Variants in FBN1 observed in about 807,000 individuals in gnomAD.
FBN1 encodes fibrillin-1.
Under a neutral mutation model 365.1 loss-of-function variants are expected in FBN1, and 29 were observed. The ratio of observed to expected loss-of-function variants is 0.08; its 90% CI spans 0.06 to 0.11. FBN1 has a LOEUF of 0.11. Among genes scored for constraint, FBN1 ranks in the 10% least tolerant of loss-of-function variants. FBN1 has a pLI of 1.00. For synonymous variants in FBN1, 1,210 were observed against 1,270.5 expected, an observed-to-expected ratio of 0.95 and a Z score of 1.01; for missense variants, 2,476 against 3,703.2, an observed-to-expected ratio of 0.67 and a Z score of 8.60.
chr15:48,430,351 T>C (rs1304355585), intron 56 of FBN1, among the ~76,000 whole-genome samples: 1 of 152,204 alleles, frequency 6.6e-6, no homozygotes, highest in Non-Finnish European at 1.5e-5. Context: ...TCCAATGTGA[T>C]GGGGAGAATT....
chr15:48,606,867 G>T (rs1428846114), intron 4 of FBN1, among the ~76,000 whole-genome samples: 1 of 152,200 alleles, frequency 6.6e-6, no homozygotes, highest in Admixed American at 6.5e-5. Context: ...ACGTGATAAG[G>T]TCATGAGGGC....
At chr15:48,507,433 C>A (rs1597576482) in intron 15 of FBN1, among the ~76,000 whole-genome samples, 1 of 152,284 alleles carries the variant, frequency 6.6e-6, no homozygotes, top group Non-Finnish European at 1.5e-5. Context: ...CTCAAAAGTA[C>A]AGAAACCACC....
At chr15:48,530,533 C>T (rs2043961363) in intron 8 of FBN1, among the ~76,000 whole-genome samples, 2 of 152,066 alleles carry the variant, frequency 1.3e-5, no homozygotes, top group South Asian at 4.2e-4. Context: ...GCCTTATTTC[C>T]AGGGCTCTTT....
At chr15:48,486,001 T>C (rs1157469616) in intron 29 of FBN1, among the ~76,000 whole-genome samples, 1 of 152,178 alleles carries the variant, frequency 6.6e-6, no homozygotes, top group Non-Finnish European at 1.5e-5. Context: ...ACATACCTAC[T>C]ATATGCTAGA....
chr15:48,505,044 C>G lies in FBN1; in HGVS notation c.1941G>C (p.Leu647=), dbSNP rs751430987. 6.2e-7 allele frequency: 1 copy of G among 1,614,188 alleles called. No homozygotes were observed. Among genetic ancestry groups the G allele is most frequent in the African/African-American group, 1.3e-5 (1 of 75,046 alleles). Reference sequence around the variant, plus strand: ...TCTTACCAACACACACACGGCCATCCAGACCCACAGCCAGTCCAGGGAAGC... The same window carrying G: ...TCTTACCAACACACACACGGCCATCGAGACCCACAGCCAGTCCAGGGAAGC... ...CECFPGLAVG[L]DGRVCVDTHM... The change falls in exon 16 of 66, where the codon CTG becomes CTC. Residue 647 remains leucine, a synonymous_variant. Coordinates refer to ENST00000316623, the MANE Select transcript of FBN1 (RefSeq NM_000138.5).
intron 3 of FBN1, among the ~76,000 whole-genome samples, chr15:48,611,821 C>T (rs924872888): frequency 6.6e-6 from 1 of 152,200 alleles, no homozygotes; most frequent in African/African-American, 2.4e-5. Context: ...CACTACTTTT[C>T]GTCATGACAG....
At position 48,432,855 on chromosome 15, in the gene FBN1, C is replaced by T. The variant is rs757918461; in HGVS notation, c.6739+11G>A. The T allele has an allele frequency of 1.2e-5, 20 of 1,613,296 alleles. No individual in the cohort carries two copies. The East Asian group carries it at 2.0e-4, about 16-fold the overall frequency. ...TTCCTGGCTTAGATGACCTTGAACA[C>T]GATGACTCACCTTTGCACATCCTAC... On this transcript the variant is annotated intron_variant, in intron 55 of 65. Coordinates refer to ENST00000316623, the MANE Select transcript of FBN1 (RefSeq NM_000138.5).
rs1328835304 is a variant in FBN1 at position 48,447,746 on chromosome 15, T to C, written c.5672-924A>G. 3.9e-5 allele frequency among the ~76,000 whole-genome samples: 6 copies of C among 152,266 alleles called. No homozygotes were observed. The East Asian group carries it at 1.2e-3, about 29-fold the overall frequency. ...AGCTAGGATTCCCTTTCTTTTCACA[T>C]TTTGGACATGAAGATAAATGATCTG... On this transcript the variant is annotated intron_variant, in intron 46 of 65. Transcript: ENST00000316623.
At chr15:48,580,224 T>C (rs1439343689) in intron 6 of FBN1, among the ~76,000 whole-genome samples, 2 of 152,134 alleles carry the variant, frequency 1.3e-5, no homozygotes. Context: ...ACTAGGACCA[T>C]TCATCCCTGA....
rs146035851 is a variant in FBN1 at position 48,469,141 on chromosome 15, C to T, written c.4460-607G>A. Among the ~76,000 whole-genome samples, 193 of 129,978 alleles carry T rather than the reference C, an allele frequency of 1.5e-3. 1 individual carries two copies. The highest frequency in any genetic ancestry group is 5.6e-3 in the African/African-American group (184 of 32,712). 85.3% of individuals were successfully genotyped at this position (129,978 alleles called of 152,430 possible). A position where few individuals can be genotyped will look rare whatever the true frequency, so the allele number is the denominator to read the frequency against. ...TATATATAAAATATAATATATATTA[C>T]ATATATATATATAACTTTGGCACTA... On this transcript the variant is annotated intron_variant, in intron 36 of 65. Coordinates refer to ENST00000316623, the MANE Select transcript of FBN1 (RefSeq NM_000138.5).
intron 6 of FBN1, among the ~76,000 whole-genome samples, chr15:48,570,661 A>G (rs2044300114): frequency 6.6e-6 from 1 of 152,202 alleles, no homozygotes; most frequent in South Asian, 2.1e-4. Context: ...GGAAAAGTCA[A>G]TTCTTGCTCA....
At position 48,541,743 on chromosome 15, in the gene FBN1, T is replaced by TTTTC. The variant is rs1555401894; in HGVS notation, c.539-3936_539-3935insGAAA. On this transcript the variant is annotated intron_variant, in intron 6 of 65. Transcript: ENST00000316623. Reference sequence around the variant, plus strand: ...TTACATACTCTTTTTTTTTTTTTTTTCAGATAGTCTCAGCATTAGACAGGG... The same window carrying TTTTC: ...TTACATACTCTTTTTTTTTTTTTTTTTTTCCAGATAGTCTCAGCATTAGACAGGG... 7.5e-3 allele frequency among the ~76,000 whole-genome samples: 1,115 copies of TTTTC among 148,332 alleles called. 16 individuals carry two copies. The highest frequency in any genetic ancestry group is 0.027 in the African/African-American group (1,056 of 39,002).
intron 64 of FBN1, among the ~76,000 whole-genome samples, chr15:48,414,439 A>G (rs953141796): frequency 1.3e-5 from 2 of 152,166 alleles, no homozygotes; most frequent in Non-Finnish European, 2.9e-5. Flanking sequence ...ATGTATATAT[A>G]TATTTAATGT....
chr15:48,463,272 G>C, intron 41 of FBN1, 32 bp from the exon 42 acceptor site: 2 of 1,608,094 alleles, frequency 1.2e-6, no homozygotes, highest in South Asian at 2.2e-5. Flanking sequence ...GGATTGGAGG[G>C]TTGGTGATGC....
chr15:48,536,054 C>A (rs964579514), intron 7 of FBN1, among the ~76,000 whole-genome samples: 2 of 152,010 alleles, frequency 1.3e-5, no homozygotes, highest in African/African-American at 2.4e-5. Context: ...CACATCTGAC[C>A]CAAGGACTGG....
At chr15:48,466,117 G>T (rs1409752510) in intron 38 of FBN1, among the ~76,000 whole-genome samples, 1 of 152,106 alleles carries the variant, frequency 6.6e-6, no homozygotes, top group Non-Finnish European at 1.5e-5. Flanking sequence ...CATGTGTGTG[G>T]ACTGTTTTAT....
At chr15:48,568,886 C>A (rs753175403) in intron 6 of FBN1, among the ~76,000 whole-genome samples, 11 of 151,932 alleles carry the variant, frequency 7.2e-5, no homozygotes, top group Admixed American at 3.3e-4. Context: ...AACTATGCAA[C>A]TTCTAGAAGA....
Position 48,542,677 on chromosome 15 carries a change from C to A in FBN1, c.539-4869G>T, listed in dbSNP as rs996880346. On this transcript the variant is annotated intron_variant, in intron 6 of 65. Coordinates refer to ENST00000316623, the MANE Select transcript of FBN1 (RefSeq NM_000138.5). ...GCCTGGGTCCCACCCTGTCCTCCCC[C>A]AGTTTTCCCCATGGAACCCGATTCA... 2.0e-5 allele frequency among the ~76,000 whole-genome samples: 3 copies of A among 152,230 alleles called. No individual in the cohort carries two copies. The South Asian group carries it at 6.2e-4, about 32-fold the overall frequency.
intron 43 of FBN1, among the ~76,000 whole-genome samples, chr15:48,459,648 A>G (rs971001097): frequency 6.6e-6 from 1 of 152,240 alleles, no homozygotes; most frequent in Non-Finnish European, 1.5e-5. Flanking sequence ...TTAAACCACA[A>G]GGGCATTGCC....
Sources: allele counts gnomAD v4.1 joint callset (sites outside exome capture counted in the v4.1 genomes callset), GRCh38; gene constraint gnomAD v4.1.1; transcripts MANE v1.5; gene names NCBI Gene and HGNC (gene_info 2026-07-23, HGNC 2026-07-21).